PAPSS1: variants seen among roughly 807,000 people sequenced by gnomAD.
The protein encoded by PAPSS1 is 3'-phosphoadenosine 5'-phosphosulfate synthase 1, also known as bifunctional 3'-phosphoadenosine 5'-phosphosulfate synthase 1.
PAPSS1 carries 50 observed loss-of-function variants against 72.0 expected under a neutral mutation model. The observed-to-expected ratio is 0.69, with a 90% CI of 0.55 to 0.88. The LOEUF is 0.88. Among genes scored for constraint, PAPSS1 ranks in the 40% least tolerant of loss-of-function variants. PAPSS1 has a pLI of 0.00. For synonymous variants in PAPSS1, 261 were observed against 263.6 expected, an observed-to-expected ratio of 0.99 and a Z score of 0.09; for missense variants, 657 against 782.2, an observed-to-expected ratio of 0.84 and a Z score of 1.91.
chr4:107,680,323 GA>G (rs925580324), intron 5 of PAPSS1, among the ~76,000 whole-genome samples: 5 of 148,282 alleles, frequency 3.4e-5, no homozygotes, highest in Non-Finnish European at 7.5e-5. Flanking sequence ...ATTCAGACAT[GA>G]AAAAAAAATC....
At chr4:107,645,195 A>C in intron 9 of PAPSS1, 125 bp from the exon 10 acceptor site, 1 of 573,752 alleles carries the variant, frequency 1.7e-6, no homozygotes, top group Non-Finnish European at 2.7e-6. Flanking sequence ...CTCAGAAATC[A>C]GAAAACTGGT....
chr4:107,640,644 G>T (rs999862967), intron 10 of PAPSS1, among the ~76,000 whole-genome samples: 1 of 152,126 alleles, frequency 6.6e-6, no homozygotes, highest in Non-Finnish European at 1.5e-5. Flanking sequence ...CCTCGAGAAA[G>T]ATACTTTTCC....
At chr4:107,628,921 T>G (rs1178835648) in intron 11 of PAPSS1, among the ~76,000 whole-genome samples, 3 of 152,174 alleles carry the variant, frequency 2.0e-5, no homozygotes, top group Admixed American at 6.5e-5. Context: ...CACTACCACT[T>G]TAAACTTACA....
chr4:107,635,580 A>G (rs1025419038), intron 10 of PAPSS1, among the ~76,000 whole-genome samples: 1 of 152,212 alleles, frequency 6.6e-6, no homozygotes, highest in Non-Finnish European at 1.5e-5. Context: ...CATACTTCCA[A>G]TCTCCTACAA....
chr4:107,717,041 T>C (rs962450973), intron 1 of PAPSS1, among the ~76,000 whole-genome samples: 1 of 152,136 alleles, frequency 6.6e-6, no homozygotes, highest in African/African-American at 2.4e-5. Context: ...TCCCTACTAT[T>C]TGAAAAGTGG....
intron 11 of PAPSS1, among the ~76,000 whole-genome samples, chr4:107,616,080 TAG>T (rs34351516): frequency 0.34 from 51,182 of 149,578 alleles, 8,802 homozygotes; most frequent in East Asian, 0.47. Flanking sequence ...TTTTAGAAAA[TAG>T]AGAGAGAGAG....
intron 6 of PAPSS1, among the ~76,000 whole-genome samples, chr4:107,658,266 A>G (rs1727072434): frequency 6.8e-6 from 1 of 147,682 alleles, no homozygotes; most frequent in African/African-American, 2.5e-5. Flanking sequence ...AGAATTAAGT[A>G]CCTTCTGTTC....
intron 11 of PAPSS1, among the ~76,000 whole-genome samples, chr4:107,620,709 C>G (rs113644012): frequency 6.6e-5 from 10 of 152,262 alleles, no homozygotes; most frequent in African/African-American, 1.2e-4. Flanking sequence ...CTCTCCAGAA[C>G]AAAGAATTAT....
intron 10 of PAPSS1, among the ~76,000 whole-genome samples, chr4:107,633,585 G>T (rs1202347464): frequency 2.0e-5 from 3 of 152,038 alleles, no homozygotes; most frequent in African/African-American, 7.2e-5. Flanking sequence ...AGATTATCTG[G>T]GGTGGGGGGT....
intron 5 of PAPSS1, among the ~76,000 whole-genome samples, chr4:107,677,099 CA>C (rs1191934261): frequency 1.3e-5 from 2 of 152,168 alleles, no homozygotes; most frequent in African/African-American, 4.8e-5. Flanking sequence ...AAAACCTAGG[CA>C]ATACCATTCA....
At position 107,634,646 on chromosome 4, in the gene PAPSS1, A is replaced by C. The variant is rs1344518677; in HGVS notation, c.1507-2786T>G. Among the ~76,000 whole-genome samples the C allele has an allele frequency of 2.0e-5, 3 of 152,154 alleles. No individual in the cohort carries two copies. The East Asian group carries it at 5.8e-4, about 29-fold the overall frequency. On this transcript the variant is annotated intron_variant, in intron 10 of 11. Coordinates refer to ENST00000265174, the MANE Select transcript of PAPSS1 (RefSeq NM_005443.5). ...TCATATTTTACCTAATTTGGTTCAT[A>C]GGGTTCCTAACTCACATTGCTTAAA...
chr4:107,667,230 G>A (rs1223045581), intron 5 of PAPSS1, among the ~76,000 whole-genome samples: 1 of 152,216 alleles, frequency 6.6e-6, no homozygotes, highest in Non-Finnish European at 1.5e-5. Flanking sequence ...CGGAGGTACT[G>A]GGGGCTGGGG....
chr4:107,654,190 T>C (rs1241637056), intron 8 of PAPSS1, among the ~76,000 whole-genome samples: 1 of 152,222 alleles, frequency 6.6e-6, no homozygotes, highest in East Asian at 1.9e-4. Context: ...GCCCAGCTTC[T>C]TTCTCAGTCT....
chr4:107,691,244 A>G (rs903737731), intron 3 of PAPSS1, among the ~76,000 whole-genome samples: 3 of 152,126 alleles, frequency 2.0e-5, no homozygotes, highest in African/African-American at 7.2e-5. Context: ...GTGCTAATAT[A>G]ATTTATTCCA....
At chr4:107,679,143 G>A (rs1727735724) in intron 5 of PAPSS1, among the ~76,000 whole-genome samples, 1 of 152,150 alleles carries the variant, frequency 6.6e-6, no homozygotes, top group Non-Finnish European at 1.5e-5. Flanking sequence ...CAGGAGCACA[G>A]GTCACGCCTA....
At chr4:107,653,141 A>G (rs1045906495) in intron 9 of PAPSS1, among the ~76,000 whole-genome samples, 1 of 148,696 alleles carries the variant, frequency 6.7e-6, no homozygotes. Flanking sequence ...ATATGAATAT[A>G]TATCTCTCTC....
intron 5 of PAPSS1, among the ~76,000 whole-genome samples, chr4:107,679,400 T>A (rs1051464996): frequency 6.6e-6 from 1 of 152,094 alleles, no homozygotes; most frequent in African/African-American, 2.4e-5. Flanking sequence ...AAGCCTCTGG[T>A]GCATTAAGAA....
chr4:107,701,718 G>A (rs1560590402), intron 1 of PAPSS1, among the ~76,000 whole-genome samples: 1 of 152,030 alleles, frequency 6.6e-6, no homozygotes, highest in Non-Finnish European at 1.5e-5. Flanking sequence ...CATCCCACTG[G>A]GGAACAATGT....
At chr4:107,632,564 C>T (rs1413146521) in intron 10 of PAPSS1, among the ~76,000 whole-genome samples, 1 of 151,278 alleles carries the variant, frequency 6.6e-6, no homozygotes, top group South Asian at 2.1e-4. Flanking sequence ...CCAAAACTAG[C>T]CTTGAAGCCT....
Sources: allele counts gnomAD v4.1 joint callset (sites outside exome capture counted in the v4.1 genomes callset), GRCh38; gene constraint gnomAD v4.1.1; transcripts MANE v1.5; gene names NCBI Gene and HGNC (gene_info 2026-07-23, HGNC 2026-07-21).